The following DGKD variants were observed in gnomAD, a reference collection of about 807,000 sequenced individuals.
DGKD encodes the protein DAG kinase delta.
Under a neutral mutation model 154.4 loss-of-function variants are expected in DGKD, and 68 were observed. That is an observed-to-expected ratio of 0.44 (90% CI 0.36 to 0.54). DGKD has a LOEUF of 0.54. Among genes scored for constraint, DGKD ranks in the 20% least tolerant of loss-of-function variants. The pLI is 0.00. For missense variants in DGKD, 1,343 were observed against 1,593.6 expected, an observed-to-expected ratio of 0.84 and a Z score of 2.68; for synonymous variants, 693 against 638.0, an observed-to-expected ratio of 1.09 and a Z score of -1.30.
At chr2:233,361,632 A>G (rs989562042) in intron 1 of DGKD, among the ~76,000 whole-genome samples, 1 of 152,148 alleles carries the variant, frequency 6.6e-6, no homozygotes, top group African/African-American at 2.4e-5. Flanking sequence ...AGAACTAGAA[A>G]CTATGGAAAA....
Position 233,454,877 on chromosome 2 carries a change from G to A in DGKD, c.2375+4G>A, listed in dbSNP as rs1220549987. The A allele has an allele frequency of 2.5e-6, 4 of 1,588,858 alleles. No individual in the cohort carries two copies. Among genetic ancestry groups the A allele is most frequent in the Non-Finnish European group, 3.5e-6 (4 of 1,157,246 alleles). Reference sequence around the variant, plus strand: ...ATGAGCACCCAGAGAAGTGCAGGTAGGTAACAGGCTCAGGAGCACGTCTGT... The same window carrying A: ...ATGAGCACCCAGAGAAGTGCAGGTAAGTAACAGGCTCAGGAGCACGTCTGT... On this transcript the variant is annotated splice_donor_region_variant and intron_variant, in intron 19 of 29. Coordinates refer to ENST00000264057, the MANE Select transcript of DGKD (RefSeq NM_152879.3).
In DGKD at chr2:233,445,898, T is replaced by G; in HGVS notation, c.1334+136T>G. 88 of 1,016,938 alleles carry G rather than the reference T, an allele frequency of 8.7e-5. No individual in the cohort carries two copies. The highest frequency in any genetic ancestry group is 1.0e-4 in the Non-Finnish European group (76 of 729,708). 63.0% of individuals were successfully genotyped at this position (1,016,938 alleles called of 1,614,324 possible). On this transcript the variant is annotated intron_variant, in intron 11 of 29. Coordinates refer to ENST00000264057, the MANE Select transcript of DGKD (RefSeq NM_152879.3). The surrounding 1 kb of genome is among the most constrained non-coding windows in gnomAD (Gnocchi z 5.5). ...TTTGTAAAGATTTGACCTGAGTATA[T>G]ATTCGGATAGTCTTTGATATTTGGT... is the stretch of plus-strand genomic sequence containing the variant.
chr2:233,464,422 C>T (rs2063765607), intron 27 of DGKD, 139 bp downstream of exon 27: 7 of 1,074,018 alleles, frequency 6.5e-6, no homozygotes, highest in Non-Finnish European at 5.4e-6. Flanking sequence ...CTTCTCCAGA[C>T]TTCGCTATTA....
chr2:233,438,037 C>G lies in DGKD; in HGVS notation c.923-180C>G, dbSNP rs1409782812. Among the ~76,000 whole-genome samples, 1 of 152,176 alleles carries G rather than the reference C, an allele frequency of 6.6e-6. No individual in the cohort carries two copies. The highest frequency in any genetic ancestry group is 2.4e-5 in the African/African-American group (1 of 41,430). On this transcript the variant is annotated intron_variant, in intron 8 of 29. Coordinates refer to ENST00000264057, the MANE Select transcript of DGKD (RefSeq NM_152879.3). This position sits in a 1 kb window ranked among gnomAD's most constrained non-coding sequence, Gnocchi z 4.1. The stretch of plus-strand genomic sequence containing the variant: ...ATGTGGAGGTCAGATGGATGGGGCT[C>G]CCGGCCTCACACATGGAGACCGGCT...
chr2:233,446,817 A>C, intron 12 of DGKD, 21 bp downstream of exon 12: 1 of 1,613,728 alleles, frequency 6.2e-7, no homozygotes, highest in Non-Finnish European at 8.5e-7. Context: ...CCTGTTCTTC[A>C]CACCCTGCTC....
At chr2:233,357,537 C>CTTTTTTTTT (rs374813757) in intron 1 of DGKD, among the ~76,000 whole-genome samples, 2 of 129,226 alleles carry the variant, frequency 1.5e-5, no homozygotes, top group African/African-American at 3.0e-5. Flanking sequence ...TTCTTTCTTT[C>CTTTTTTTTT]TTTTTTTTTT....
chr2:233,418,306 C>G (rs544877168), intron 3 of DGKD, among the ~76,000 whole-genome samples: 2 of 152,316 alleles, frequency 1.3e-5, no homozygotes, highest in South Asian at 4.1e-4. Context: ...GGCACCAGCT[C>G]TACATCTGGG....
chr2:233,365,622 G>T (rs1260092043), intron 1 of DGKD, among the ~76,000 whole-genome samples: 1 of 152,102 alleles, frequency 6.6e-6, no homozygotes, highest in Non-Finnish European at 1.5e-5. Context: ...TTTTTCCAAT[G>T]CACAGGCACA....
chr2:233,422,948 C>T (rs1465343654), intron 3 of DGKD, among the ~76,000 whole-genome samples: 2 of 152,284 alleles, frequency 1.3e-5, no homozygotes, highest in African/African-American at 4.8e-5. Context: ...CCCTGGCAAA[C>T]ACTCATCTGG....
intron 3 of DGKD, among the ~76,000 whole-genome samples, chr2:233,421,879 C>CTGAGGAAG (rs1396126983): frequency 1.3e-5 from 2 of 152,216 alleles, no homozygotes; most frequent in African/African-American, 2.4e-5. Flanking sequence ...GAAAGACTGC[C>CTGAGGAAG]TGAATTTATT....
intron 3 of DGKD, among the ~76,000 whole-genome samples, chr2:233,433,554 C>G (rs578204607): frequency 6.6e-6 from 1 of 152,084 alleles, no homozygotes; most frequent in South Asian, 2.1e-4. Flanking sequence ...TAATAATTTG[C>G]TGTACATTTA....
chr2:233,357,149 A>AG (rs1321224889), intron 1 of DGKD, among the ~76,000 whole-genome samples: 2 of 152,174 alleles, frequency 1.3e-5, no homozygotes, highest in Non-Finnish European at 2.9e-5. Flanking sequence ...TGGGGTCACA[A>AG]GGGGTCCATC....
At chr2:233,358,544 A>G (rs1167371006) in intron 1 of DGKD, among the ~76,000 whole-genome samples, 1 of 152,192 alleles carries the variant, frequency 6.6e-6, no homozygotes, top group Non-Finnish European at 1.5e-5. Context: ...TCAATTTTAG[A>G]ACATTTTCAT....
chr2:233,388,959 C>G (rs1250266631), intron 2 of DGKD: 1 of 152,172 alleles, frequency 6.6e-6, no homozygotes, highest in Non-Finnish European at 1.5e-5. Flanking sequence ...GTAGGTCAAG[C>G]TGGTCTCGAA....
chr2:233,460,429 A>G, intron 24 of DGKD, 84 bp downstream of exon 24: 1 of 1,524,646 alleles, frequency 6.6e-7, no homozygotes, highest in South Asian at 1.2e-5. Context: ...TGGGGCGTGG[A>G]GCTGCTGCTC....
intron 1 of DGKD, among the ~76,000 whole-genome samples, chr2:233,381,897 A>G (rs935651543): frequency 3.3e-5 from 5 of 152,254 alleles, no homozygotes; most frequent in Non-Finnish European, 7.3e-5. Flanking sequence ...TGTTCTGTTA[A>G]GAAGACAAGT....
At chr2:233,427,726 A>G (rs2062360387) in intron 3 of DGKD, among the ~76,000 whole-genome samples, 1 of 152,208 alleles carries the variant, frequency 6.6e-6, no homozygotes, top group South Asian at 2.1e-4. Flanking sequence ...TTTGCTTGAA[A>G]AATATGAGCC....
intron 1 of DGKD, among the ~76,000 whole-genome samples, chr2:233,367,922 C>A (rs1341467565): frequency 2.0e-5 from 3 of 147,028 alleles, no homozygotes; most frequent in African/African-American, 7.6e-5. Context: ...GAACTCCTGA[C>A]CTAAAGTGAT....
chr2:233,389,892 C>G (rs1703476164), intron 2 of DGKD, among the ~76,000 whole-genome samples: 1 of 152,138 alleles, frequency 6.6e-6, no homozygotes, highest in Admixed American at 6.5e-5. Context: ...CTTTCACGGC[C>G]AGACCCTTTC....
Sources: allele counts gnomAD v4.1 joint callset (sites outside exome capture counted in the v4.1 genomes callset), GRCh38; gene constraint gnomAD v4.1.1; non-coding constraint Gnocchi (gnomAD v3.1); transcripts MANE v1.5; gene names NCBI Gene and HGNC (gene_info 2026-07-23, HGNC 2026-07-21).